The following EIF4G3 variants were observed in gnomAD, a reference collection of about 807,000 sequenced individuals.
The protein encoded by EIF4G3 is eIF-4-gamma 3.
Under a neutral mutation model 186.4 loss-of-function variants are expected in EIF4G3, and 34 were observed. That is an observed-to-expected ratio of 0.18 (90% confidence interval 0.14 to 0.24). The LOEUF (loss-of-function observed/expected upper bound fraction) is 0.24. EIF4G3 is among the 10% of genes least tolerant of loss of function. The probability of loss-of-function intolerance (pLI) is 1.00; values close to 1 mark genes in which losing one functional copy is unlikely to be tolerated. For synonymous variants in EIF4G3, 673 were observed against 679.5 expected (o/e 0.99, Z 0.15); for missense variants, 1,536 against 1,948.5 (o/e 0.79, Z 3.99).
rs760274525 is a variant in EIF4G3 at position 20,840,937 on chromosome 1, T to C, written c.3980A>G (p.Gln1327Arg). 1.1e-5 allele frequency: 17 copies of C among 1,613,980 alleles called. No homozygotes were observed. The highest frequency in any genetic ancestry group is 2.5e-6 in the Non-Finnish European group (3 of 1,179,960). Residue 1327 changes from glutamine to arginine, a missense_variant, in exon 30 of 37, where the codon CAG becomes CGG. Around this residue, in one of 11 missense-constraint regions of EIF4G3, gnomAD observed 395 missense variants for 498.9 expected, o/e 0.79. Transcript: ENST00000602326. ...VGVESTLERSQITRDHMGQLL... is the reference protein window; with the variant it reads ...VGVESTLERSRITRDHMGQLL... ...TTGGCCCATGTGATCCCTGGTGATC[T>C]GGCTCCTTTCCAGGGTGGACTCCAC...
At chr1:20,966,948 C>T (rs2074831249) in intron 12 of EIF4G3, among the ~76,000 whole-genome samples, 1 of 152,160 alleles carries the variant, frequency 6.6e-6, no homozygotes, top group Non-Finnish European at 1.5e-5. Context: ...ACCTAATAAA[C>T]TTATGCTTTA....
At chr1:20,939,189 T>A (rs2095622467) in intron 14 of EIF4G3, among the ~76,000 whole-genome samples, 1 of 150,944 alleles carries the variant, frequency 6.6e-6, no homozygotes, top group Non-Finnish European at 1.5e-5. Context: ...TTGAAGACTA[T>A]TAAGATGTAC....
At chr1:20,927,550 T>C (rs2094999552) in intron 14 of EIF4G3, among the ~76,000 whole-genome samples, 1 of 152,080 alleles carries the variant, frequency 6.6e-6, no homozygotes, top group African/African-American at 2.4e-5. Flanking sequence ...TGACAGTCTG[T>C]GAAATGGAGT....
intron 2 of EIF4G3, among the ~76,000 whole-genome samples, chr1:21,154,384 T>C (rs938422057): frequency 1.3e-5 from 2 of 152,190 alleles, no homozygotes; most frequent in Non-Finnish European, 2.9e-5. Flanking sequence ...ACAGTATCAA[T>C]CACTAACCTT....
intron 17 of EIF4G3, among the ~76,000 whole-genome samples, chr1:20,894,296 A>G (rs1488391500): frequency 2.6e-5 from 4 of 152,190 alleles, no homozygotes; most frequent in Non-Finnish European, 5.9e-5. Flanking sequence ...AGGCAGGAAT[A>G]TTTTCTAAGA....
intron 3 of EIF4G3, among the ~76,000 whole-genome samples, chr1:21,058,716 TC>T (rs1284722123): frequency 6.7e-4 from 74 of 110,040 alleles, no homozygotes; most frequent in African/African-American, 2.7e-3. Flanking sequence ...TCTCTCTCTC[TC>T]TCTTTTTTTT....
rs376376632 is a variant in EIF4G3 at position 20,851,432 on chromosome 1, C to T, written c.3598G>A (p.Ala1200Thr). ...REKNDKPLPS[A>T]TARPNTFMRG... ...ATGAAAGTATTTGGCCGAGCTGTTG[C>T]AGATGGAAGGGGCTTGTCATTCTTC... The change falls in exon 28 of 37, where the codon GCA becomes ACA. Residue 1200 changes from alanine to threonine, a missense_variant. This residue lies in a region of EIF4G3 where 395 missense variants were observed against 498.9 expected (regional missense o/e 0.79). Transcript: ENST00000602326. 1 of 1,614,158 alleles carries T rather than the reference C, an allele frequency of 6.2e-7. No homozygotes were observed. Among genetic ancestry groups the T allele is most frequent in the Non-Finnish European group, 8.5e-7 (1 of 1,180,036 alleles).
At chr1:20,860,588 T>C (rs2076105998) in intron 23 of EIF4G3, 71 bp from the exon 24 acceptor site, 1 of 1,535,884 alleles carries the variant, frequency 6.5e-7, no homozygotes, top group African/African-American at 1.4e-5. Context: ...AATTAGCAAT[T>C]TTTACTACTG....
chr1:20,864,090 T>G lies in EIF4G3; in HGVS notation c.3006+386A>C, dbSNP rs151146960. Among the ~76,000 whole-genome samples the G allele has an allele frequency of 4.4e-4, 67 of 152,352 alleles. No homozygotes were observed. The East Asian group carries it at 7.1e-3, about 16-fold the overall frequency. On this transcript the variant is annotated intron_variant, in intron 22 of 36. Transcript: ENST00000602326. ...TTTTAATGATTTCTTATATTATGGT[T>G]AGATGGCTGTGTCATCAATTAGAGT...
At chr1:21,163,762 T>C (rs1177197087) in intron 2 of EIF4G3, among the ~76,000 whole-genome samples, 1 of 152,118 alleles carries the variant, frequency 6.6e-6, no homozygotes, top group Non-Finnish European at 1.5e-5. Context: ...CCCAATTTTG[T>C]TTTTTGTTTG....
intron 34 of EIF4G3, among the ~76,000 whole-genome samples, chr1:20,815,633 C>T (rs1456570414): frequency 6.7e-6 from 1 of 148,830 alleles, no homozygotes. Flanking sequence ...GGCAGCCACC[C>T]CGTCCGGGAG....
intron 33 of EIF4G3, among the ~76,000 whole-genome samples, chr1:20,818,956 C>T (rs2061664328): frequency 6.6e-6 from 1 of 152,074 alleles, no homozygotes; most frequent in Admixed American, 6.6e-5. Context: ...TTATTTTTGA[C>T]TTGGGGTCTC....
intron 3 of EIF4G3, chr1:21,064,667 G>T (rs1301726747): frequency 6.6e-6 from 1 of 152,166 alleles, no homozygotes; most frequent in East Asian, 1.9e-4. Flanking sequence ...AAAAAGAGTG[G>T]TAAGGTTTGT....
At chr1:21,023,474 A>G (rs989111870) in intron 4 of EIF4G3, among the ~76,000 whole-genome samples, 47 of 152,044 alleles carry the variant, frequency 3.1e-4, no homozygotes, top group Non-Finnish European at 4.6e-4. Context: ...TGGCCGGGCC[A>G]GTCTCCAGCC....
At chr1:21,080,463 C>T (rs1198767207) in intron 3 of EIF4G3, among the ~76,000 whole-genome samples, 1 of 151,184 alleles carries the variant, frequency 6.6e-6, no homozygotes, top group Non-Finnish European at 1.5e-5. Flanking sequence ...AAAAAAAGAG[C>T]TATTTATTAA....
At chr1:20,852,099 T>G (rs1254347862) in intron 27 of EIF4G3, among the ~76,000 whole-genome samples, 1 of 152,140 alleles carries the variant, frequency 6.6e-6, no homozygotes, top group Non-Finnish European at 1.5e-5. Context: ...CAGGCTGGAG[T>G]GCAATGGCGT....
At chr1:20,935,024 G>A (rs1035200959) in intron 14 of EIF4G3, among the ~76,000 whole-genome samples, 7 of 152,160 alleles carry the variant, frequency 4.6e-5, no homozygotes, top group African/African-American at 1.7e-4. Flanking sequence ...ATGGAACAAT[G>A]ACTGACACGC....
At chr1:21,076,452 T>C (rs2095591095) in intron 3 of EIF4G3, among the ~76,000 whole-genome samples, 1 of 151,850 alleles carries the variant, frequency 6.6e-6, no homozygotes, top group Admixed American at 6.6e-5. Flanking sequence ...ATATGCCCAC[T>C]GCACTCCAGC....
At chr1:20,811,266 C>T (rs963939598) in intron 35 of EIF4G3, among the ~76,000 whole-genome samples, 1 of 151,742 alleles carries the variant, frequency 6.6e-6, no homozygotes, top group Admixed American at 6.6e-5. Context: ...TCTTCTTCTT[C>T]TTCTTCTTCT....
Sources: gnomAD v4.1 joint callset for allele counts (sites outside exome capture counted in the v4.1 genomes callset) on GRCh38, gnomAD v4.1.1 for gene constraint, gnomAD v4.1.1 regional missense constraint, MANE v1.5 for transcripts, NCBI Gene and HGNC (gene_info 2026-07-23, HGNC 2026-07-21) for gene names.